The following SPRED2 variants were observed in gnomAD, a reference collection of about 807,000 sequenced individuals.
SPRED2 encodes the protein sprouty related EVH1 domain containing 2.
Under a neutral mutation model 43.0 loss-of-function variants are expected in SPRED2, and 47 were observed. The ratio of observed to expected loss-of-function variants is 1.09; its 90% CI spans 0.87 to 1.40. The LOEUF (loss-of-function observed/expected upper bound fraction) is 1.40. Among genes scored for constraint, SPRED2 ranks in the 40% most tolerant of loss-of-function variants. The pLI is 0.00. For missense variants in SPRED2, 561 were observed against 586.4 expected, an observed-to-expected ratio of 0.96 and a Z score of 0.45; for synonymous variants, 225 against 225.7, an observed-to-expected ratio of 1.00 and a Z score of 0.03.
At chr2:65,425,391 G>A (rs1208816882) in intron 1 of SPRED2, among the ~76,000 whole-genome samples, 4 of 152,156 alleles carry the variant, frequency 2.6e-5, no homozygotes, top group Non-Finnish European at 5.9e-5. Context: ...AACACAGAAA[G>A]TTTGTTTTTA....
At chr2:65,419,577 TTGTGTGTGTGTGTGTG>T (rs10541896) in intron 1 of SPRED2, among the ~76,000 whole-genome samples, 185 of 148,678 alleles carry the variant, frequency 1.2e-3, no homozygotes, top group East Asian at 2.2e-3. Flanking sequence ...GGGATTATAG[TTGTGTGTGTGTGTGTG>T]TGTGTGTGTG....
intron 1 of SPRED2, among the ~76,000 whole-genome samples, chr2:65,413,416 A>G (rs1676206055): frequency 6.6e-6 from 1 of 152,212 alleles, no homozygotes; most frequent in African/African-American, 2.4e-5. Flanking sequence ...CACGTTATGA[A>G]GAGATGTGGC....
intron 1 of SPRED2, among the ~76,000 whole-genome samples, chr2:65,411,291 A>T (rs1572900815): frequency 6.6e-6 from 1 of 152,146 alleles, no homozygotes; most frequent in Middle Eastern, 3.2e-3. Flanking sequence ...ATTGAGGGAC[A>T]CCGAGCCTCT....
intron 4 of SPRED2, among the ~76,000 whole-genome samples, chr2:65,326,002 GATTA>G (rs893610631): frequency 2.0e-5 from 3 of 151,854 alleles, no homozygotes; most frequent in African/African-American, 7.3e-5. Context: ...AAAGTTACAG[GATTA>G]ATTTTGATTG....
chr2:65,359,388 G>A (rs986472273), intron 1 of SPRED2, among the ~76,000 whole-genome samples: 20 of 152,020 alleles, frequency 1.3e-4, no homozygotes, highest in African/African-American at 4.1e-4. Context: ...TCATTTATAA[G>A]GGAGTAGTGT....
intron 1 of SPRED2, among the ~76,000 whole-genome samples, chr2:65,368,844 G>A (rs1414814870): frequency 2.0e-5 from 3 of 152,186 alleles, no homozygotes; most frequent in Non-Finnish European, 2.9e-5. Context: ...CACTTTGGGA[G>A]GCTGAGGTGG....
At chr2:65,351,033 G>A (rs907347022) in intron 1 of SPRED2, among the ~76,000 whole-genome samples, 3 of 152,210 alleles carry the variant, frequency 2.0e-5, no homozygotes, top group Non-Finnish European at 4.4e-5. Context: ...TTGGTAAGTT[G>A]TAACCATCAT....
chr2:65,423,435 C>T (rs1454108267), intron 1 of SPRED2, among the ~76,000 whole-genome samples: 1 of 152,196 alleles, frequency 6.6e-6, no homozygotes, highest in African/African-American at 2.4e-5. Flanking sequence ...CAATGGTCAG[C>T]TGGGCATTAT....
chr2:65,338,968 G>C (rs1674080040), intron 2 of SPRED2, among the ~76,000 whole-genome samples: 1 of 145,876 alleles, frequency 6.9e-6, no homozygotes, highest in African/African-American at 2.5e-5. Flanking sequence ...CGGGAGGTGA[G>C]GGGCGCCTCT....
intron 1 of SPRED2, among the ~76,000 whole-genome samples, chr2:65,412,986 T>G (rs1676196455): frequency 6.6e-6 from 1 of 152,170 alleles, no homozygotes; most frequent in South Asian, 2.1e-4. Flanking sequence ...ATCATTCACC[T>G]TCTTCCCCAC....
chr2:65,392,765 C>G lies in SPRED2; in HGVS notation c.26+39197G>C, dbSNP rs187799540. ...AGTAATGAATCAGTTCATTAAAAAGCTGTACTTGACAATGAATAGGATTAA... is the reference window on the plus strand; with the variant it reads ...AGTAATGAATCAGTTCATTAAAAAGGTGTACTTGACAATGAATAGGATTAA... On this transcript the variant is annotated intron_variant, in intron 1 of 5. Transcript: ENST00000356388. Among the ~76,000 whole-genome samples the G allele has an allele frequency of 1.1e-3, 164 of 152,296 alleles. 1 individual carries two copies. The highest frequency in any genetic ancestry group is 1.7e-3 in the Non-Finnish European group (113 of 68,038).
chr2:65,332,899 C>T (rs1673855755), intron 3 of SPRED2, among the ~76,000 whole-genome samples: 2 of 152,202 alleles, frequency 1.3e-5, no homozygotes, highest in Admixed American at 1.3e-4. Context: ...GCATCAGTGA[C>T]AGATATACCA....
At chr2:65,308,822 T>A (rs1321141263), downstream of SPRED2, among the ~76,000 whole-genome samples, 1 of 152,208 alleles carries the variant, frequency 6.6e-6, no homozygotes, top group Non-Finnish European at 1.5e-5. Context: ...ATCCATGTTT[T>A]CTGCATCTGT....
intron 1 of SPRED2, among the ~76,000 whole-genome samples, chr2:65,430,958 T>C (rs1468199718): frequency 1.3e-5 from 2 of 151,774 alleles, no homozygotes; most frequent in African/African-American, 2.4e-5. Flanking sequence ...GCATAAGACT[T>C]GAGGCGTCGG....
chr2:65,347,796 T>C lies in SPRED2; in HGVS notation c.27-2900A>G, dbSNP rs112946075. On this transcript the variant is annotated intron_variant, in intron 1 of 5. Transcript: ENST00000356388. ...CGTATCACAATCAACATGTTTCAGG[T>C]TGAACTCTCTTGGTTCCTGACACCT... Among the ~76,000 whole-genome samples, 509 of 152,272 alleles carry C rather than the reference T, an allele frequency of 3.3e-3. 3 individuals carry two copies. The highest frequency in any genetic ancestry group is 0.011 in the African/African-American group (472 of 41,552).
intron 1 of SPRED2, among the ~76,000 whole-genome samples, chr2:65,416,647 A>G (rs1323174987): frequency 1.3e-5 from 2 of 152,214 alleles, no homozygotes; most frequent in Non-Finnish European, 2.9e-5. Context: ...CTACACAAGC[A>G]GTATGAATTT....
chr2:65,314,288 T>C, intron 5 of SPRED2, 119 bp from the exon 6 acceptor site: 1 of 920,566 alleles, frequency 1.1e-6, no homozygotes, highest in East Asian at 2.7e-5. Context: ...GATAACTCCA[T>C]CACGATGCTC....
chr2:65,401,692 C>T (rs767061867), intron 1 of SPRED2, among the ~76,000 whole-genome samples: 1 of 151,348 alleles, frequency 6.6e-6, no homozygotes, highest in Non-Finnish European at 1.5e-5. Flanking sequence ...CCCAGCCACT[C>T]GGGAGGCTGA....
intron 1 of SPRED2, among the ~76,000 whole-genome samples, chr2:65,347,464 C>T (rs1012700032): frequency 6.6e-6 from 1 of 152,018 alleles, no homozygotes; most frequent in African/African-American, 2.4e-5. Flanking sequence ...ACATGGCCTC[C>T]TACCCCCTCA....
Sources: gnomAD v4.1 joint callset for allele counts (sites outside exome capture counted in the v4.1 genomes callset) on GRCh38, gnomAD v4.1.1 for gene constraint, MANE v1.5 for transcripts, NCBI Gene and HGNC (gene_info 2026-07-23, HGNC 2026-07-21) for gene names.